Variants in VAV3 observed in about 807,000 individuals in gnomAD.
The protein encoded by VAV3 is guanine nucleotide exchange factor VAV3.
VAV3 carries 94 observed loss-of-function variants against 131.2 expected under a neutral mutation model. The ratio of observed to expected loss-of-function variants is 0.72; its 90% CI spans 0.61 to 0.85. VAV3 has a LOEUF of 0.85. Among genes scored for constraint, VAV3 ranks in the 40% least tolerant of loss-of-function variants. The pLI, the probability that VAV3 is intolerant of heterozygous loss-of-function variation, is 0.00. For missense variants in VAV3, 939 were observed against 1,002.7 expected, an observed-to-expected ratio of 0.94 and a Z score of 0.86; for synonymous variants, 349 against 342.0, an observed-to-expected ratio of 1.02 and a Z score of -0.22.
intron 19 of VAV3, among the ~76,000 whole-genome samples, chr1:107,661,882 G>T (rs1221189706): frequency 6.6e-6 from 1 of 152,086 alleles, no homozygotes; most frequent in Non-Finnish European, 1.5e-5. Flanking sequence ...ACAGGACTTG[G>T]TGATACCGAA....
chr1:107,883,464 A>T (rs1670878496), intron 1 of VAV3, among the ~76,000 whole-genome samples: 1 of 152,240 alleles, frequency 6.6e-6, no homozygotes, highest in Non-Finnish European at 1.5e-5. Context: ...GGAAAAATTA[A>T]ATGCAACGAT....
In VAV3 at chr1:107,964,768, C is replaced by G. The variant is rs769675305; in HGVS notation, c.102G>C (p.Ala34=). The change falls in exon 1 of 27, where the codon GCG becomes GCC. Residue 34 remains alanine, a synonymous_variant. Transcript: ENST00000370056. ...GCAGGACTCCATCGCGGAGGGTCTG[C>G]GCAAGGTCGAACACCTGAGCCGAGT... ...TWDSAQVFDL[A]QTLRDGVLLC... is the part of the protein sequence containing the mutation. 6.8e-6 allele frequency: 11 copies of G among 1,614,060 alleles called. No individual in the cohort carries two copies. The South Asian group carries it at 1.1e-4, about 16-fold the overall frequency.
At chr1:107,748,928 T>A (rs1227417898) in intron 15 of VAV3, 40 bp downstream of exon 15, 2 of 1,384,222 alleles carry the variant, frequency 1.4e-6, no homozygotes, top group South Asian at 2.5e-5. Flanking sequence ...GTGATTTAAC[T>A]AGTAAAAATA....
At chr1:107,960,595 C>A (rs78199812) in intron 1 of VAV3, among the ~76,000 whole-genome samples, 2 of 152,128 alleles carry the variant, frequency 1.3e-5, no homozygotes, top group East Asian at 3.9e-4. Flanking sequence ...TCCTAAAAAT[C>A]GAGCTTCCAT....
intron 15 of VAV3, among the ~76,000 whole-genome samples, chr1:107,718,122 A>G (rs1215658918): frequency 6.6e-6 from 1 of 152,174 alleles, no homozygotes; most frequent in Non-Finnish European, 1.5e-5. Context: ...AAAAAACTGG[A>G]AGCATTCCCT....
chr1:107,622,630 G>T (rs948379495), intron 20 of VAV3, among the ~76,000 whole-genome samples: 2 of 152,132 alleles, frequency 1.3e-5, no homozygotes, highest in African/African-American at 4.8e-5. Flanking sequence ...CAGATTAATG[G>T]TTATTTATGA....
At chr1:107,579,067 T>C (rs1300645192) in intron 25 of VAV3, among the ~76,000 whole-genome samples, 1 of 152,182 alleles carries the variant, frequency 6.6e-6, no homozygotes, top group Non-Finnish European at 1.5e-5. Context: ...AATTACAGAA[T>C]ATCAGGGTGC....
chr1:107,583,422 G>C (rs1331904450), intron 25 of VAV3, among the ~76,000 whole-genome samples: 1 of 152,156 alleles, frequency 6.6e-6, no homozygotes, highest in African/African-American at 2.4e-5. Context: ...AATTAGGCAG[G>C]AGAAGGAAAT....
At chr1:107,647,600 G>T (rs906437561) in intron 19 of VAV3, among the ~76,000 whole-genome samples, 4 of 151,962 alleles carry the variant, frequency 2.6e-5, no homozygotes, top group South Asian at 2.1e-4. Context: ...AAAATTTTCA[G>T]AAATTTTCCT....
intron 1 of VAV3, among the ~76,000 whole-genome samples, chr1:107,920,655 T>C (rs765863407): frequency 5.3e-5 from 8 of 152,232 alleles, no homozygotes; most frequent in Non-Finnish European, 8.8e-5. Context: ...AATTGTTTTA[T>C]GTAATTTCTT....
intron 19 of VAV3, among the ~76,000 whole-genome samples, chr1:107,682,621 G>A (rs1658721954): frequency 6.6e-6 from 1 of 152,270 alleles, no homozygotes. Context: ...CTCATAAACT[G>A]GCAATGCTAC....
chr1:107,662,761 G>A (rs961441154), intron 19 of VAV3, among the ~76,000 whole-genome samples: 2 of 152,270 alleles, frequency 1.3e-5, no homozygotes, highest in African/African-American at 4.8e-5. Context: ...GGCCTAATGG[G>A]TAGAAAAAGA....
At chr1:107,788,521 C>T (rs1016001203) in intron 2 of VAV3, among the ~76,000 whole-genome samples, 8 of 152,100 alleles carry the variant, frequency 5.3e-5, no homozygotes, top group African/African-American at 1.9e-4. Context: ...CACTAAAGAG[C>T]AAGCAGAAAA....
intron 15 of VAV3, among the ~76,000 whole-genome samples, chr1:107,745,126 C>G (rs1005615145): frequency 1.3e-5 from 2 of 152,006 alleles, no homozygotes; most frequent in South Asian, 2.1e-4. Context: ...CCAGTTTAAC[C>G]CAATAAAACC....
intron 2 of VAV3, among the ~76,000 whole-genome samples, chr1:107,860,707 A>C (rs1669698637): frequency 6.6e-6 from 1 of 151,660 alleles, no homozygotes; most frequent in Non-Finnish European, 1.5e-5. Flanking sequence ...ATCAAAAAAG[A>C]AAGAACTGAG....
At chr1:107,753,946 TAGG>T (rs1570900099) in intron 12 of VAV3, among the ~76,000 whole-genome samples, 2 of 152,048 alleles carry the variant, frequency 1.3e-5, no homozygotes, top group African/African-American at 4.8e-5. Context: ...GGAAAAATAA[TAGG>T]AGATTAGGAA....
At chr1:107,733,537 A>C (rs1662393218) in intron 15 of VAV3, among the ~76,000 whole-genome samples, 1 of 152,252 alleles carries the variant, frequency 6.6e-6, no homozygotes, top group South Asian at 2.1e-4. Flanking sequence ...AGTGTAGAGA[A>C]GACCTTAAAT....
chr1:107,645,674 G>A (rs557944299), intron 19 of VAV3, among the ~76,000 whole-genome samples: 6 of 152,168 alleles, frequency 3.9e-5, no homozygotes, highest in South Asian at 2.1e-4. Context: ...TAAACCTGAC[G>A]TCAGCATTCA....
At chr1:107,775,684 G>A (rs1169301186) in intron 4 of VAV3, among the ~76,000 whole-genome samples, 1 of 149,146 alleles carries the variant, frequency 6.7e-6, no homozygotes, top group East Asian at 2.0e-4. Context: ...GTCACTTTAT[G>A]AAGATTACAA....
Sources: allele counts gnomAD v4.1 joint callset (sites outside exome capture counted in the v4.1 genomes callset), GRCh38; gene constraint gnomAD v4.1.1; transcripts MANE v1.5; gene names NCBI Gene and HGNC (gene_info 2026-07-23, HGNC 2026-07-21).